The following ABRAXAS2 variants were observed in gnomAD, a reference collection of about 807,000 sequenced individuals.
ABRAXAS2 encodes the protein BRISC complex subunit Abraxas 2.
A neutral mutation model predicts 49.0 loss-of-function variants in ABRAXAS2; 23 were observed. The observed-to-expected ratio is 0.47, with a 90% CI of 0.34 to 0.66. ABRAXAS2 has a LOEUF of 0.66. ABRAXAS2 is among the 30% of genes least tolerant of loss of function. The pLI, the probability that ABRAXAS2 is intolerant of heterozygous loss-of-function variation, is 0.01. For missense variants in ABRAXAS2, 443 were observed against 511.9 expected, an observed-to-expected ratio of 0.87 and a Z score of 1.30; for synonymous variants, 168 against 180.2, an observed-to-expected ratio of 0.93 and a Z score of 0.54.
At chr10:124,832,973 C>G (rs1950943030) in intron 8 of ABRAXAS2, among the ~76,000 whole-genome samples, 1 of 150,594 alleles carries the variant, frequency 6.6e-6, no homozygotes, top group South Asian at 2.1e-4. Context: ...TGGTGAAATC[C>G]TGTCTCTACT....
intron 4 of ABRAXAS2, among the ~76,000 whole-genome samples, chr10:124,824,821 G>C (rs1950887177): frequency 6.6e-6 from 1 of 152,148 alleles, no homozygotes; most frequent in Admixed American, 6.6e-5. Flanking sequence ...AATGTGCTAT[G>C]TTCACCTGCA....
rs116328772 is a variant in ABRAXAS2, at chr10:124,819,199, C to T, written c.201-185C>T. Among the ~76,000 whole-genome samples the T allele has an allele frequency of 3.7e-3, 562 of 152,214 alleles. 9 individuals carry two copies. Among genetic ancestry groups the T allele is most frequent in the African/African-American group, 0.013 (525 of 41,530 alleles). On this transcript the variant is annotated intron_variant, in intron 3 of 8. Coordinates refer to ENST00000298492, the MANE Select transcript of ABRAXAS2 (RefSeq NM_032182.4). The stretch of plus-strand genomic sequence containing the variant: ...TGAATGTAGCAATCTCTTGAGTATT[C>T]GTCAATGCAAAAGGGGCCTCATTTC...
At chr10:124,823,504 T>G (rs1950875666) in intron 4 of ABRAXAS2, among the ~76,000 whole-genome samples, 1 of 152,222 alleles carries the variant, frequency 6.6e-6, no homozygotes, top group Non-Finnish European at 1.5e-5. Flanking sequence ...GATTCGTGCT[T>G]TCCGGAAGCT....
At chr10:124,828,153 C>T (rs983883408) in intron 5 of ABRAXAS2, among the ~76,000 whole-genome samples, 3 of 152,170 alleles carry the variant, frequency 2.0e-5, no homozygotes, top group Non-Finnish European at 2.9e-5. Flanking sequence ...TACCACCAAG[C>T]CCCATTCTTG....
At position 124,826,688 on chromosome 10, in the gene ABRAXAS2, G is replaced by A. The variant is rs749990991; in HGVS notation, c.361G>A (p.Gly121Ser). 55 of 1,614,020 alleles carry A rather than the reference G, an allele frequency of 3.4e-5. No individual in the cohort carries two copies. Among genetic ancestry groups the A allele is most frequent in the Admixed American group, 1.0e-4 (6 of 59,976 alleles). The stretch of plus-strand genomic sequence containing the variant: ...TCACAAGCAGCTCACCCGCATCCTC[G>A]GCGTGCCCGACCTCGTCTTTCTTCT... ...VLHKQLTRIL[G>S]VPDLVFLLFS... Residue 121 changes from glycine to serine, a missense_variant, in exon 5 of 9, where the codon GGC becomes AGC. By Grantham distance (56) the Gly-to-Ser change is moderately conservative. Transcript: ENST00000298492.
At chr10:124,808,124 A>G (rs1475261780) in intron 2 of ABRAXAS2, among the ~76,000 whole-genome samples, 1 of 152,124 alleles carries the variant, frequency 6.6e-6, no homozygotes, top group Non-Finnish European at 1.5e-5. Context: ...ACCAAACTGC[A>G]TATCCTAATA....
intron 1 of ABRAXAS2, among the ~76,000 whole-genome samples, chr10:124,806,262 C>T (rs141382086): frequency 0.027 from 3,999 of 150,458 alleles, 160 homozygotes; most frequent in African/African-American, 0.09. Flanking sequence ...GCAGAGATCG[C>T]GCCACTGCAC....
At position 124,834,977 on chromosome 10, in the gene ABRAXAS2, C is replaced by G; in HGVS notation, c.*6C>G. 1 of 1,575,964 alleles carries G rather than the reference C, an allele frequency of 6.3e-7. No homozygotes were observed. On this transcript the variant is annotated 3_prime_UTR_variant, in exon 9 of 9. Transcript: ENST00000298492. ...CTCAGACCTCCCAGATTTAACTAAA[C>G]AAAAGAAACTCTCCACCTAGCACTG...
At chr10:124,810,976 T>C (rs528845956) in intron 2 of ABRAXAS2, among the ~76,000 whole-genome samples, 3 of 150,624 alleles carry the variant, frequency 2.0e-5, no homozygotes, top group Non-Finnish European at 4.4e-5. Flanking sequence ...TCCCAGCACT[T>C]TGGGAGGCCG....
At chr10:124,805,810 G>A (rs1354650639) in intron 1 of ABRAXAS2, among the ~76,000 whole-genome samples, 1 of 152,098 alleles carries the variant, frequency 6.6e-6, no homozygotes, top group East Asian at 1.9e-4. Context: ...GTGATATCTG[G>A]GGAGAGAGAT....
intron 2 of ABRAXAS2, among the ~76,000 whole-genome samples, chr10:124,811,513 G>A (rs1168870418): frequency 1.3e-5 from 2 of 152,018 alleles, no homozygotes; most frequent in African/African-American, 2.4e-5. Flanking sequence ...AGATCACGAG[G>A]TCAGGAGAGG....
At chr10:124,808,567 TG>T in intron 2 of ABRAXAS2, among the ~76,000 whole-genome samples, 1 of 152,110 alleles carries the variant, frequency 6.6e-6, no homozygotes, top group African/African-American at 2.4e-5. Context: ...CTCCTAGAGC[TG>T]CGGGGAGGAT....
chr10:124,830,601 T>C (rs1399540968), intron 7 of ABRAXAS2, among the ~76,000 whole-genome samples: 1 of 152,228 alleles, frequency 6.6e-6, no homozygotes, highest in Non-Finnish European at 1.5e-5. Flanking sequence ...TCAGGGCCAC[T>C]GTGCACCTAC....
intron 1 of ABRAXAS2, among the ~76,000 whole-genome samples, chr10:124,803,930 G>A (rs1403720621): frequency 6.6e-6 from 1 of 152,106 alleles, no homozygotes; most frequent in Non-Finnish European, 1.5e-5. Flanking sequence ...TAGCTTACAG[G>A]CCGTACATTA....
chr10:124,824,448 G>A (rs1255449195), intron 4 of ABRAXAS2, among the ~76,000 whole-genome samples: 1 of 150,132 alleles, frequency 6.7e-6, no homozygotes, highest in Non-Finnish European at 1.5e-5. Context: ...AGAATTGCTT[G>A]AACCTAGGAG....
chr10:124,801,971 C>T, intron 1 of ABRAXAS2, 70 bp downstream of exon 1: 2 of 1,510,722 alleles, frequency 1.3e-6, no homozygotes, highest in Non-Finnish European at 1.8e-6. Context: ...CGCTCGCGGC[C>T]AAGCCGGGAC....
chr10:124,823,862 C>T (rs1359220513), intron 4 of ABRAXAS2, among the ~76,000 whole-genome samples: 3 of 152,202 alleles, frequency 2.0e-5, no homozygotes, highest in Non-Finnish European at 4.4e-5. Flanking sequence ...CACCAATACA[C>T]ATTAATTTGG....
At chr10:124,831,785 T>C (rs1950934145) in intron 8 of ABRAXAS2, among the ~76,000 whole-genome samples, 1 of 149,502 alleles carries the variant, frequency 6.7e-6, no homozygotes, top group Non-Finnish European at 1.5e-5. Flanking sequence ...GTGAATGTGG[T>C]GGTTGTTACT....
rs904915928 is a variant in ABRAXAS2 at position 124,801,905 on chromosome 10, G to A, written c.72+4G>A. The A allele has an allele frequency of 5.6e-6, 9 of 1,612,036 alleles. No individual in the cohort carries two copies. The Admixed American group carries it at 1.2e-4, about 21-fold the overall frequency. ...CGCCAACAGCAACGCGGACCACGTAGGTGCCGGGCCCCCTGCCGCGCCCGC... is the reference window on the plus strand; with the variant it reads ...CGCCAACAGCAACGCGGACCACGTAAGTGCCGGGCCCCCTGCCGCGCCCGC... On this transcript the variant is annotated splice_donor_region_variant and intron_variant, in intron 1 of 8. Coordinates refer to ENST00000298492, the MANE Select transcript of ABRAXAS2 (RefSeq NM_032182.4).
Sources: allele counts gnomAD v4.1 joint callset (sites outside exome capture counted in the v4.1 genomes callset), GRCh38; gene constraint gnomAD v4.1.1; transcripts MANE v1.5; gene names NCBI Gene and HGNC (gene_info 2026-07-23, HGNC 2026-07-21).